STXBP5: variants seen among roughly 807,000 people sequenced by gnomAD.
The protein encoded by STXBP5 is syntaxin binding protein 5.
In STXBP5, 50 loss-of-function variants were observed where a neutral mutation model predicts 152.4. The observed-to-expected ratio is 0.33, with a 90% confidence interval of 0.26 to 0.42. The LOEUF is 0.42. STXBP5 is among the 10% of genes least tolerant of loss of function. The pLI, the probability that STXBP5 is intolerant of heterozygous loss-of-function variation, is 1.00. For synonymous variants in STXBP5, 492 were observed against 494.7 expected, an observed-to-expected ratio of 0.99 and a Z score of 0.07; for missense variants, 1,167 against 1,388.6, an observed-to-expected ratio of 0.84 and a Z score of 2.54.
chr6:147,278,036 C>A, intron 7 of STXBP5, 45 bp from the exon 8 acceptor site: 2 of 1,509,078 alleles, frequency 1.3e-6, no homozygotes, highest in Non-Finnish European at 1.8e-6. Flanking sequence ...AAATAGTTTA[C>A]TGTTTAAATA....
intron 10 of STXBP5, 87 bp from the exon 11 acceptor site, chr6:147,311,368 C>T: frequency 5.3e-6 from 6 of 1,122,110 alleles, no homozygotes; most frequent in Non-Finnish European, 7.9e-6. Context: ...GAGAATGAAA[C>T]TAAATAAAAT....
chr6:147,341,128 CG>C (rs919277271), intron 21 of STXBP5, among the ~76,000 whole-genome samples: 6 of 151,928 alleles, frequency 3.9e-5, no homozygotes, highest in African/African-American at 4.8e-5. Context: ...GTTAGTGTCA[CG>C]TTTTTTTTCT....
At chr6:147,330,095 G>C (rs1223402929) in intron 18 of STXBP5, among the ~76,000 whole-genome samples, 1 of 152,134 alleles carries the variant, frequency 6.6e-6, no homozygotes, top group Non-Finnish European at 1.5e-5. Flanking sequence ...GCATTATTGA[G>C]TAAAATATAG....
intron 21 of STXBP5, among the ~76,000 whole-genome samples, chr6:147,342,043 C>G (rs553793452): frequency 1.3e-5 from 2 of 152,258 alleles, no homozygotes; most frequent in Non-Finnish European, 2.9e-5. Context: ...GGTCTGTCCT[C>G]TTAAACACTG....
intron 4 of STXBP5, among the ~76,000 whole-genome samples, chr6:147,243,037 A>G (rs1466475748): frequency 1.3e-5 from 2 of 152,178 alleles, no homozygotes; most frequent in Admixed American, 1.3e-4. Context: ...GGCCATTATG[A>G]ATAAAGCTGT....
chr6:147,301,237 A>C (rs1473211126), intron 9 of STXBP5, among the ~76,000 whole-genome samples: 1 of 152,112 alleles, frequency 6.6e-6, no homozygotes, highest in African/African-American at 2.4e-5. Context: ...AATCATATGG[A>C]GGTTCCCCAA....
At chr6:147,313,434 C>G (rs1026344443) in intron 11 of STXBP5, among the ~76,000 whole-genome samples, 2 of 151,952 alleles carry the variant, frequency 1.3e-5, no homozygotes, top group African/African-American at 2.4e-5. Flanking sequence ...GAAAAATATT[C>G]TGAATTAAAT....
intron 8 of STXBP5, 63 bp from the exon 9 acceptor site, chr6:147,291,031 A>G (rs1781250695): frequency 8.2e-7 from 1 of 1,214,204 alleles, no homozygotes; most frequent in Non-Finnish European, 1.2e-6. Flanking sequence ...TTTATAAACT[A>G]TCAATGTAAG....
chr6:147,260,128 A>T (rs1270565685), intron 4 of STXBP5, among the ~76,000 whole-genome samples: 4 of 152,322 alleles, frequency 2.6e-5, no homozygotes, highest in African/African-American at 9.6e-5. Context: ...GTATCACATC[A>T]GTTTAAATGC....
intron 26 of STXBP5, among the ~76,000 whole-genome samples, chr6:147,381,654 A>G (rs548271471): frequency 1.7e-3 from 252 of 152,308 alleles, no homozygotes; most frequent in Non-Finnish European, 2.9e-3. Flanking sequence ...TGATGAATGA[A>G]TAAGCAAAAT....
intron 9 of STXBP5, among the ~76,000 whole-genome samples, chr6:147,296,852 A>G (rs1007071600): frequency 6.6e-6 from 1 of 152,184 alleles, no homozygotes; most frequent in Non-Finnish European, 1.5e-5. Flanking sequence ...GCAACAGACT[A>G]CATCAAGCAA....
chr6:147,312,770 T>TAACAAGATAATTTGA (rs1782449877), intron 11 of STXBP5, among the ~76,000 whole-genome samples: 1 of 152,194 alleles, frequency 6.6e-6, no homozygotes. Flanking sequence ...CTTTTCAAAA[T>TAACAAGATAATTTGA]AACAAGATAA....
chr6:147,234,474 T>G (rs1778170709), intron 2 of STXBP5, among the ~76,000 whole-genome samples: 1 of 151,944 alleles, frequency 6.6e-6, no homozygotes, highest in African/African-American at 2.4e-5. Context: ...TACTTCTAGT[T>G]ATGTGACTTG....
At chr6:147,383,145 G>T (rs1305745447) in intron 27 of STXBP5, 147 bp downstream of exon 27, 1 of 888,810 alleles carries the variant, frequency 1.1e-6, no homozygotes, top group Non-Finnish European at 1.7e-6. Flanking sequence ...TTTGCCACCA[G>T]AGGGAACCAT....
intron 6 of STXBP5, among the ~76,000 whole-genome samples, chr6:147,265,871 G>A (rs1279721694): frequency 1.3e-5 from 2 of 151,836 alleles, no homozygotes; most frequent in African/African-American, 4.8e-5. Flanking sequence ...TTCAAATAAG[G>A]AAAAGTCCAT....
chr6:147,324,990 G>C lies in STXBP5; in HGVS notation c.1834G>C (p.Gly612Arg). 1 of 1,594,530 alleles carries C rather than the reference G, an allele frequency of 6.3e-7. No homozygotes were observed. The highest frequency in any genetic ancestry group is 1.1e-5 in the South Asian group (1 of 88,136). Reference sequence around the variant, plus strand: ...AAACTCACCACTTAAACAGTCTCCAGGTTATCAAACAGAACTAGTTATTCA... The same window carrying C: ...AAACTCACCACTTAAACAGTCTCCACGTTATCAAACAGAACTAGTTATTCA... ...VKNSPLKQSP[G>R]YQTELVIQLV... The change falls in exon 17 of 28, where the codon GGT becomes CGT. Residue 612 changes from glycine to arginine, a missense_variant. Around this residue, in one of 3 missense-constraint regions of STXBP5, gnomAD observed 833 missense variants for 986.3 expected, o/e 0.84. Transcript: ENST00000321680.
At chr6:147,310,541 T>G (rs1171602190) in intron 10 of STXBP5, among the ~76,000 whole-genome samples, 1 of 151,660 alleles carries the variant, frequency 6.6e-6, no homozygotes, top group African/African-American at 2.4e-5. Flanking sequence ...GATTGATTGA[T>G]TGATTGATTG....
intron 2 of STXBP5, among the ~76,000 whole-genome samples, chr6:147,232,091 A>G (rs1778034324): frequency 1.3e-5 from 2 of 151,808 alleles, no homozygotes; most frequent in African/African-American, 2.4e-5. Flanking sequence ...AAGCTAGTCT[A>G]GATAGGTCTT....
intron 18 of STXBP5, among the ~76,000 whole-genome samples, chr6:147,332,970 GCAGTTGACAAAAATAC>G (rs1783653887): frequency 2.0e-5 from 3 of 151,978 alleles, no homozygotes; most frequent in South Asian, 4.2e-4. Flanking sequence ...ATCTTTAGTA[GCAGTTGACAAAAATAC>G]CAAGGGGGTA....
Sources: gnomAD v4.1 joint callset for allele counts (sites outside exome capture counted in the v4.1 genomes callset) on GRCh38, gnomAD v4.1.1 for gene constraint, gnomAD v4.1.1 regional missense constraint, MANE v1.5 for transcripts, NCBI Gene and HGNC (gene_info 2026-07-23, HGNC 2026-07-21) for gene names.